The following CSPP1 variants were observed in gnomAD, a reference collection of about 807,000 sequenced individuals.
The protein encoded by CSPP1 is centrosome and spindle pole-associated protein 1.
CSPP1 carries 126 observed loss-of-function variants against 164.4 expected under a neutral mutation model. The observed-to-expected ratio is 0.77, with a 90% CI of 0.66 to 0.89. The LOEUF is 0.89. Ranked by LOEUF, CSPP1 falls within the 40% of genes least tolerant of loss-of-function variation. The pLI, the probability that CSPP1 is intolerant of heterozygous loss-of-function variation, is 0.00. For missense variants in CSPP1, 1,395 were observed against 1,449.8 expected, an observed-to-expected ratio of 0.96 and a Z score of 0.61; for synonymous variants, 472 against 476.7, an observed-to-expected ratio of 0.99 and a Z score of 0.13.
intron 4 of CSPP1, among the ~76,000 whole-genome samples, chr8:67,089,362 G>A (rs1025179207): frequency 4.0e-5 from 6 of 151,826 alleles, no homozygotes; most frequent in African/African-American, 1.5e-4. Flanking sequence ...CCCCAGCCCA[G>A]ACCTCCATCC....
In CSPP1 at chr8:67,188,675, G is replaced by A. The variant is rs972008832; in HGVS notation, c.3221-1975G>A. On this transcript the variant is annotated intron_variant, in intron 28 of 30. Coordinates refer to ENST00000678616, the MANE Select transcript of CSPP1 (RefSeq NM_001382391.1). ...TTGCTGTCCACCAGTGCTGTTTGCC[G>A]CCGTTGCAGACCTGCCACTGACTTC... 3.3e-5 allele frequency among the ~76,000 whole-genome samples: 5 copies of A among 152,242 alleles called. No homozygotes were observed. In the South Asian group the frequency reaches 6.2e-4, roughly 19 times the overall value.
Position 67,086,034 on chromosome 8 carries a change from T to G in CSPP1, c.227T>G (p.Leu76Arg). ...LGIDYGLSLPLGEDYERKKHK... is the reference protein window; with the variant it reads ...LGIDYGLSLPRGEDYERKKHK... Reference sequence around the variant, plus strand: ...ATTGATTATGGATTAAGTTTACCACTTGGAGAAGACTATGAACGGAAGAAA... The same window carrying G: ...ATTGATTATGGATTAAGTTTACCACGTGGAGAAGACTATGAACGGAAGAAA... The change falls in exon 4 of 31, where the codon CTT becomes CGT. Residue 76 changes from leucine to arginine, a missense_variant. Coordinates refer to ENST00000678616, the MANE Select transcript of CSPP1 (RefSeq NM_001382391.1). The G allele has an allele frequency of 6.7e-7, 1 of 1,489,514 alleles. No homozygotes were observed. Among genetic ancestry groups the G allele is most frequent in the Non-Finnish European group, 9.4e-7 (1 of 1,066,742 alleles). 92.3% of individuals were successfully genotyped at this position (1,489,514 alleles called of 1,614,324 possible).
intron 3 of CSPP1, chr8:67,083,793 A>C (rs1445956341): frequency 2.0e-5 from 3 of 151,734 alleles, no homozygotes; most frequent in Non-Finnish European, 4.4e-5. Flanking sequence ...TAGAACATCC[A>C]TTGTGACCCT....
intron 19 of CSPP1, among the ~76,000 whole-genome samples, chr8:67,157,334 C>T (rs1202778027): frequency 4.6e-5 from 7 of 151,696 alleles, no homozygotes; most frequent in South Asian, 2.1e-4. Context: ...CTCATTCTGT[C>T]GCCCAGGCTG....
rs1563712957 is a variant in CSPP1 at position 67,159,934 on chromosome 8, C to CT, written c.2538+799dup. Among the ~76,000 whole-genome samples the CT allele has an allele frequency of 1.3e-3, 58 of 44,972 alleles. 1 individual carries two copies. The highest frequency in any genetic ancestry group is 2.6e-3 in the African/African-American group (30 of 11,484). 29.5% of individuals were successfully genotyped at this position (44,972 alleles called of 152,430 possible). On this transcript the variant is annotated intron_variant, in intron 21 of 30. Coordinates refer to ENST00000678616, the MANE Select transcript of CSPP1 (RefSeq NM_001382391.1). ...TTTCTTTCTTTCTTTCCTTTCCTTC[C>CT]TTCCTTCCTTCCTTCCTTCCTTCTT...
chr8:67,084,859 C>T (rs1204493558), intron 3 of CSPP1, among the ~76,000 whole-genome samples: 1 of 152,096 alleles, frequency 6.6e-6, no homozygotes, highest in Non-Finnish European at 1.5e-5. Flanking sequence ...TCTGAATACT[C>T]ATCTAATGTC....
intron 10 of CSPP1, among the ~76,000 whole-genome samples, chr8:67,113,212 T>C (rs1817233642): frequency 6.6e-6 from 1 of 152,124 alleles, no homozygotes; most frequent in Non-Finnish European, 1.5e-5. Context: ...GCCAGTGCAT[T>C]CCAGCCTGGG....
intron 28 of CSPP1, among the ~76,000 whole-genome samples, chr8:67,184,736 T>TTAAAAA (rs1316027774): frequency 1.6e-5 from 2 of 128,480 alleles, no homozygotes; most frequent in African/African-American, 6.9e-5. Context: ...AAAATAATAA[T>TTAAAAA]AAAAAAATAT....
chr8:67,123,254 C>T (rs1048982829), intron 15 of CSPP1: 24 of 152,072 alleles, frequency 1.6e-4, no homozygotes, highest in African/African-American at 4.1e-4. Context: ...GTTTTTGTTT[C>T]GTTTCTTAGG....
At chr8:67,124,179 A>C (rs1231780745) in intron 15 of CSPP1, among the ~76,000 whole-genome samples, 1 of 152,142 alleles carries the variant, frequency 6.6e-6, no homozygotes, top group Non-Finnish European at 1.5e-5. Flanking sequence ...GATTACAGGC[A>C]TGAGCCACCG....
At chr8:67,072,839 T>C (rs1807092760) in intron 1 of CSPP1, among the ~76,000 whole-genome samples, 1 of 130,056 alleles carries the variant, frequency 7.7e-6, no homozygotes, top group African/African-American at 3.0e-5. Context: ...CTGTACTCTC[T>C]AGCCTGTGAA....
intron 24 of CSPP1, among the ~76,000 whole-genome samples, chr8:67,165,502 C>T (rs1477982495): frequency 2.0e-5 from 3 of 152,178 alleles, no homozygotes. Context: ...TACCACATTG[C>T]ATTTAGTTGT....
chr8:67,114,851 A>C (rs927375037), intron 12 of CSPP1: 1 of 152,198 alleles, frequency 6.6e-6, no homozygotes, highest in African/African-American at 2.4e-5. Context: ...GCTCCTATAC[A>C]GTGTCAAGTT....
At chr8:67,105,575 G>C (rs1815320938) in intron 8 of CSPP1, among the ~76,000 whole-genome samples, 1 of 151,812 alleles carries the variant, frequency 6.6e-6, no homozygotes, top group African/African-American at 2.4e-5. Flanking sequence ...TTAGAGACGG[G>C]GTTTCACCAT....
Position 67,164,414 on chromosome 8 carries a change from G to C in CSPP1, c.2734G>C (p.Glu912Gln). The C allele has an allele frequency of 6.3e-7, 1 of 1,587,260 alleles. No individual in the cohort carries two copies. Among genetic ancestry groups the C allele is most frequent in the Non-Finnish European group, 8.6e-7 (1 of 1,156,222 alleles). ...AGAGGAGAAAAAAAATGTAATTATGGAATTATCAGAAATGAGAAAACAGCT... is the reference window on the plus strand; with the variant it reads ...AGAGGAGAAAAAAAATGTAATTATGCAATTATCAGAAATGAGAAAACAGCT... Reference protein sequence around the residue: ...AEEEKKNVIMELSEMRKQLRS... With the variant: ...AEEEKKNVIMQLSEMRKQLRS... Residue 912 changes from glutamate (E) to glutamine (Q), a missense_variant, in exon 24 of 31, where the codon GAA becomes CAA. By Grantham distance (29) the Glu-to-Gln change is conservative. Coordinates refer to ENST00000678616, the MANE Select transcript of CSPP1 (RefSeq NM_001382391.1).
intron 15 of CSPP1, among the ~76,000 whole-genome samples, chr8:67,123,744 T>G (rs1819474479): frequency 1.3e-5 from 2 of 151,764 alleles, no homozygotes; most frequent in African/African-American, 4.8e-5. Flanking sequence ...CTCAAGGAGC[T>G]GGAACTACAG....
intron 3 of CSPP1, 39 bp downstream of exon 3, chr8:67,076,620 C>A: frequency 9.3e-7 from 1 of 1,075,000 alleles, no homozygotes; most frequent in Non-Finnish European, 1.4e-6. Context: ...TTAAGATATC[C>A]TTAGTGGGCT....
intron 15 of CSPP1, among the ~76,000 whole-genome samples, chr8:67,120,743 A>G (rs567680962): frequency 3.9e-5 from 6 of 152,248 alleles, no homozygotes; most frequent in African/African-American, 9.6e-5. Flanking sequence ...CATTTATTTT[A>G]ATAATTTTGT....
chr8:67,160,464 C>CA lies in CSPP1; in HGVS notation c.2539-1331dup, dbSNP rs1206237868. On this transcript the variant is annotated intron_variant, in intron 21 of 30. Coordinates refer to ENST00000678616, the MANE Select transcript of CSPP1 (RefSeq NM_001382391.1). ...TGGGTGACAGAGCGAGACTCCATCT[C>CA]AAAAAAAAAAAAAAAAGAATTAAAC... Among the ~76,000 whole-genome samples the CA allele has an allele frequency of 7.0e-3, 545 of 77,390 alleles. 1 individual carries two copies. The highest frequency in any genetic ancestry group is 0.021 in the African/African-American group (418 of 20,216). 50.8% of individuals were successfully genotyped at this position (77,390 alleles called of 152,430 possible). A position where few individuals can be genotyped will look rare whatever the true frequency, so the allele number is the denominator to read the frequency against.
Sources: gnomAD v4.1 joint callset for allele counts (sites outside exome capture counted in the v4.1 genomes callset) on GRCh38, gnomAD v4.1.1 for gene constraint, MANE v1.5 for transcripts, NCBI Gene and HGNC (gene_info 2026-07-23, HGNC 2026-07-21) for gene names.